The following ZNF721 variants were observed in gnomAD, a reference collection of about 807,000 sequenced individuals.
The protein encoded by ZNF721 is zinc finger protein 721.
In ZNF721, 2 loss-of-function variants were observed where a neutral mutation model predicts 2.4. The observed-to-expected ratio is 0.82, with a 90% CI of 0.34 to 2.58. The LOEUF (loss-of-function observed/expected upper bound fraction) is 2.58, where lower values mean the gene tolerates loss of function less well. Among genes scored for constraint, ZNF721 ranks in the 30% most tolerant of loss-of-function variants. The pLI, the probability that ZNF721 is intolerant of heterozygous loss-of-function variation, is 0.11. For missense variants in ZNF721, 1,187 were observed against 1,085.5 expected (o/e 1.09, Z -1.31); for synonymous variants, 398 against 381.8 (o/e 1.04, Z -0.50).
intron 1 of ZNF721, among the ~76,000 whole-genome samples, chr4:496,884 T>C (rs941899156): frequency 1.3e-5 from 2 of 151,554 alleles, no homozygotes; most frequent in Admixed American, 1.3e-4. Context: ...GGCTAATTTT[T>C]TGTATTTTTA....
chr4:486,247 C>T (rs1553870331), intron 1 of ZNF721, among the ~76,000 whole-genome samples: 3 of 151,226 alleles, frequency 2.0e-5, no homozygotes, highest in Admixed American at 1.3e-4. Context: ...CAACTTCTGC[C>T]TCCTGGGTTC....
At chr4:447,195 C>A (rs1714504666) in intron 2 of ZNF721, among the ~76,000 whole-genome samples, 1 of 151,828 alleles carries the variant, frequency 6.6e-6, no homozygotes, top group South Asian at 2.1e-4. Context: ...TGGTGGCAGG[C>A]ACCGTACTCC....
intron 1 of ZNF721, among the ~76,000 whole-genome samples, chr4:495,637 T>C (rs530167751): frequency 6.6e-6 from 1 of 152,100 alleles, no homozygotes; most frequent in Non-Finnish European, 1.5e-5. Flanking sequence ...AATCTCACTC[T>C]GTTACCAGGC....
At chr4:451,416 A>T (rs1714657073) in intron 2 of ZNF721, among the ~76,000 whole-genome samples, 1 of 152,142 alleles carries the variant, frequency 6.6e-6, no homozygotes, top group East Asian at 1.9e-4. Flanking sequence ...TAGTGATGGG[A>T]CCTCGTGCCA....
At chr4:493,144 G>T (rs1240024703) in intron 1 of ZNF721, among the ~76,000 whole-genome samples, 3 of 144,164 alleles carry the variant, frequency 2.1e-5, no homozygotes, top group African/African-American at 2.6e-5. Context: ...TTGTGAAACC[G>T]CCATTGCAAA....
chr4:442,130 T>C lies in ZNF721; in HGVS notation c.2337A>G (p.Lys779=). Residue 779 remains lysine (K), a synonymous_variant, in exon 3 of 3, where the codon AAA becomes AAG. Transcript: ENST00000511833. ...TGCCACATTCCTTACATTTGTAGGG[T>C]TTCTTTCCAGTATGAATTTTCTCAT... The part of the protein sequence containing the change: ...NRHEKIHTGK[K]PYKCKECGKV... The C allele has an allele frequency of 6.2e-7, 1 of 1,613,798 alleles. No individual in the cohort carries two copies. The highest frequency in any genetic ancestry group is 2.2e-5 in the East Asian group (1 of 44,880).
At chr4:454,514 A>G (rs150141370) in intron 2 of ZNF721, among the ~76,000 whole-genome samples, 1 of 152,160 alleles carries the variant, frequency 6.6e-6, no homozygotes, top group Admixed American at 6.5e-5. Context: ...ACTGAATGTT[A>G]TGTGTATATC....
intron 1 of ZNF721, among the ~76,000 whole-genome samples, chr4:490,774 A>G (rs1716000439): frequency 6.6e-6 from 1 of 152,126 alleles, no homozygotes; most frequent in African/African-American, 2.4e-5. Context: ...ATGTAACCTT[A>G]CACAGCAGAA....
intron 2 of ZNF721, among the ~76,000 whole-genome samples, chr4:456,930 C>T (rs1244787176): frequency 1.3e-5 from 2 of 152,020 alleles, no homozygotes; most frequent in Non-Finnish European, 2.9e-5. Context: ...TACATGAAAA[C>T]ACTCCCCAGT....
chr4:482,018 CTA>C (rs1348332585), intron 1 of ZNF721, among the ~76,000 whole-genome samples: 1 of 152,150 alleles, frequency 6.6e-6, no homozygotes, highest in Non-Finnish European at 1.5e-5. Flanking sequence ...TAATAGGAAA[CTA>C]TGAAATTTAT....
intron 2 of ZNF721, chr4:453,453 C>CA (rs1553865044): frequency 6.6e-6 from 1 of 152,246 alleles, no homozygotes; most frequent in African/African-American, 2.4e-5. Flanking sequence ...TTTCTCTTGA[C>CA]AGACTATTTA....
chr4:455,553 A>C (rs1553865318), intron 2 of ZNF721, among the ~76,000 whole-genome samples: 1 of 152,102 alleles, frequency 6.6e-6, no homozygotes. Flanking sequence ...GCAACAGAGC[A>C]AGACTCCATC....
rs1553863201 is a variant in ZNF721 at position 441,983 on chromosome 4, C to T, written c.2484G>A (p.Arg828=). The change falls in exon 3 of 3, where the codon AGG becomes AGA. Residue 828 remains arginine (R), a synonymous_variant. Transcript: ENST00000511833. Reference sequence around the variant, plus strand: ...AGGGTTTCTCTCCAGTATGAATTCTCCTATGTTTAGTAAGGGTTGTGGAAC... The same window carrying T: ...AGGGTTTCTCTCCAGTATGAATTCTTCTATGTTTAGTAAGGGTTGTGGAAC... ...FTSSTTLTKH[R]RIHTGEKPYT... The T allele has an allele frequency of 3.1e-6, 5 of 1,613,810 alleles. No homozygotes were observed. Among genetic ancestry groups the T allele is most frequent in the East Asian group, 2.2e-5 (1 of 44,854 alleles).
chr4:451,579 T>A (rs528783674), intron 2 of ZNF721, among the ~76,000 whole-genome samples: 1 of 152,318 alleles, frequency 6.6e-6, no homozygotes, highest in East Asian at 1.9e-4. Context: ...TGAATGTAAA[T>A]ATATATACCC....
intron 1 of ZNF721, among the ~76,000 whole-genome samples, chr4:475,076 A>G (rs1715592981): frequency 6.6e-6 from 1 of 151,664 alleles, no homozygotes; most frequent in African/African-American, 2.4e-5. Context: ...AGTCCCAGCT[A>G]CTCGGGAGGC....
chr4:444,060 G>A lies in ZNF721; in HGVS notation c.407C>T (p.Pro136Leu). Residue 136 changes from proline to leucine, a missense_variant, in exon 3 of 3, where the codon CCC (proline) becomes CTC (leucine). By Grantham distance (98) the Pro-to-Leu change is moderately conservative. Coordinates refer to ENST00000511833, the MANE Select transcript of ZNF721 (RefSeq NM_133474.4). ...QHKGIHAGEKPYTCEERGKDF... is the reference protein window; with the variant it reads ...QHKGIHAGEKLYTCEERGKDF... ...TTTGCCACGTTCTTCACAAGTGTAG[G>A]GTTTCTCTCCAGCATGAATTCCTTT... is the stretch of plus-strand genomic sequence containing the variant. The A allele has an allele frequency of 6.2e-7, 1 of 1,614,040 alleles. No individual in the cohort carries two copies. Among genetic ancestry groups the A allele is most frequent in the Non-Finnish European group, 8.5e-7 (1 of 1,179,956 alleles).
chr4:470,953 T>C (rs1483266947), intron 2 of ZNF721, among the ~76,000 whole-genome samples: 1 of 150,926 alleles, frequency 6.6e-6, no homozygotes, highest in African/African-American at 2.4e-5. Flanking sequence ...TGAGCTGAGA[T>C]CATGCCACTG....
chr4:482,645 C>T (rs1475393768), intron 1 of ZNF721, among the ~76,000 whole-genome samples: 1 of 151,658 alleles, frequency 6.6e-6, no homozygotes, highest in Non-Finnish European at 1.5e-5. Context: ...TACAAGCGCC[C>T]GCCACCATGC....
At chr4:473,851 G>A (rs1471261968) in intron 1 of ZNF721, 104 of 1,165,874 alleles carry the variant, frequency 8.9e-5, no homozygotes, top group Non-Finnish European at 1.2e-4. Flanking sequence ...CTCACCGGAG[G>A]GGACTGAGGA....
Sources: allele counts gnomAD v4.1 joint callset (sites outside exome capture counted in the v4.1 genomes callset), GRCh38; gene constraint gnomAD v4.1.1; transcripts MANE v1.5; gene names NCBI Gene and HGNC (gene_info 2026-07-23, HGNC 2026-07-21).